Variants in THSD4 observed in about 807,000 individuals in gnomAD.
THSD4 encodes the protein thrombospondin type-1 domain-containing protein 4.
A neutral mutation model predicts 119.0 loss-of-function variants in THSD4; 69 were observed. The observed-to-expected ratio is 0.58, with a 90% CI of 0.48 to 0.71. The LOEUF is 0.71. Among genes scored for constraint, THSD4 ranks in the 30% least tolerant of loss-of-function variants. The pLI is 0.00. For synonymous variants in THSD4, 524 were observed against 540.4 expected (o/e 0.97, Z 0.42); for missense variants, 1,393 against 1,391.1 (o/e 1.00, Z -0.02).
chr15:71,215,071 G>A lies in THSD4; in HGVS notation c.136G>A (p.Asp46Asn). The part of the protein sequence containing the change: ...QRMAAEGAPE[D>N]DGGGGAPGVW... ...GATGGCGGCGGAGGGCGCCCCCGAG[G>A]ACGACGGCGGCGGCGGCGCCCCGGG... is the stretch of plus-strand genomic sequence containing the variant. The change falls in exon 4 of 18, where the codon GAC (aspartate) becomes AAC (asparagine). Residue 46 changes from aspartate to asparagine, a missense_variant. By Grantham distance (23) the Asp-to-Asn change is conservative. Transcript: ENST00000261862. 1 of 1,300,732 alleles carries A rather than the reference G, an allele frequency of 7.7e-7. No homozygotes were observed. The highest frequency in any genetic ancestry group is 9.8e-7 in the Non-Finnish European group (1 of 1,022,452). 80.6% of individuals were successfully genotyped at this position (1,300,732 alleles called of 1,614,324 possible). A position where few individuals can be genotyped will look rare whatever the true frequency, so the allele number is the denominator to read the frequency against.
chr15:71,246,108 A>G (rs1289453099), intron 5 of THSD4, among the ~76,000 whole-genome samples: 1 of 152,132 alleles, frequency 6.6e-6, no homozygotes, highest in Non-Finnish European at 1.5e-5. Flanking sequence ...GGAGGAACTG[A>G]GTTTCCTTGG....
chr15:71,163,462 C>T (rs150761552), intron 3 of THSD4, among the ~76,000 whole-genome samples: 3,416 of 152,062 alleles, frequency 0.022, 66 homozygotes, highest in South Asian at 0.055. Context: ...ACGATAATCT[C>T]GAAAACCACA....
chr15:71,766,499 C>G (rs1255870178), intron 16 of THSD4, among the ~76,000 whole-genome samples: 2 of 152,116 alleles, frequency 1.3e-5, no homozygotes. Flanking sequence ...ATTCCATTTC[C>G]AAAAAGTGTC....
At chr15:71,617,372 C>T (rs971295875) in intron 7 of THSD4, among the ~76,000 whole-genome samples, 8 of 152,062 alleles carry the variant, frequency 5.3e-5, no homozygotes, top group African/African-American at 1.9e-4. Flanking sequence ...GATTTAACTT[C>T]TGTTTTTGTC....
chr15:71,191,015 C>A (rs1386048655), intron 3 of THSD4, among the ~76,000 whole-genome samples: 1 of 152,204 alleles, frequency 6.6e-6, no homozygotes, highest in Non-Finnish European at 1.5e-5. Context: ...AGCAATTCTT[C>A]TCTTTGTTCT....
intron 7 of THSD4, among the ~76,000 whole-genome samples, chr15:71,656,746 G>A (rs1298410831): frequency 1.3e-5 from 2 of 152,134 alleles, no homozygotes; most frequent in African/African-American, 4.8e-5. Flanking sequence ...TCTATTATTA[G>A]CATTTTAGCC....
Position 71,406,111 on chromosome 15 carries a change from G to GT in THSD4, c.1016-5566dup, listed in dbSNP as rs111863619. Among the ~76,000 whole-genome samples the GT allele has an allele frequency of 8.7e-4, 127 of 146,310 alleles. No homozygotes were observed. In the South Asian group the frequency reaches 0.011, roughly 12 times the overall value. ...TCAAAGTATTTTCTAATTTTCCTGT[G>GT]TTTTTTTTTTCTTGATTATTTAGGA... On this transcript the variant is annotated intron_variant, in intron 6 of 17. Transcript: ENST00000261862.
intron 1 of THSD4, among the ~76,000 whole-genome samples, chr15:71,108,910 TGAATGTGAGAGGCGGAGGTTGCAGTGA>T (rs2040285383): frequency 6.6e-6 from 1 of 152,144 alleles, no homozygotes; most frequent in Non-Finnish European, 1.5e-5. Context: ...GAGAATTTCT[TGAATGTGAGAGGCGGAGGTTGCAGTGA>T]GCCAAGATCG....
chr15:71,214,942 T>G, intron 3 of THSD4, 93 bp from the exon 4 acceptor site: 1 of 1,208,630 alleles, frequency 8.3e-7, no homozygotes, highest in Non-Finnish European at 1.0e-6. Context: ...CTGTGCCTAC[T>G]TGTGCCTGAT....
chr15:71,665,198 A>T (rs2051392766), intron 8 of THSD4, among the ~76,000 whole-genome samples: 1 of 152,134 alleles, frequency 6.6e-6, no homozygotes, highest in South Asian at 2.1e-4. Flanking sequence ...TGACTGGTGT[A>T]AGATGGTATC....
intron 7 of THSD4, among the ~76,000 whole-genome samples, chr15:71,497,869 A>C (rs2048050650): frequency 6.6e-6 from 1 of 152,228 alleles, no homozygotes; most frequent in South Asian, 2.1e-4. Flanking sequence ...AATGGGCTTG[A>C]TGCCCTGAAT....
intron 14 of THSD4, among the ~76,000 whole-genome samples, chr15:71,750,089 T>C (rs1233100299): frequency 6.6e-6 from 1 of 151,994 alleles, no homozygotes; most frequent in Admixed American, 6.6e-5. Context: ...AGGACCACAC[T>C]CTGAATAACA....
At chr15:71,609,749 G>A (rs1354385026) in intron 7 of THSD4, among the ~76,000 whole-genome samples, 1 of 151,834 alleles carries the variant, frequency 6.6e-6, no homozygotes, top group Non-Finnish European at 1.5e-5. Context: ...CTACTCGGGA[G>A]GCTGAGGCAG....
chr15:71,350,440 C>A (rs1365884503), intron 6 of THSD4, among the ~76,000 whole-genome samples: 1 of 152,022 alleles, frequency 6.6e-6, no homozygotes. Flanking sequence ...GAATCAGGAC[C>A]CCTGAGTTCT....
At chr15:71,537,002 T>C (rs1244496824) in intron 7 of THSD4, among the ~76,000 whole-genome samples, 1 of 152,210 alleles carries the variant, frequency 6.6e-6, no homozygotes, top group Non-Finnish European at 1.5e-5. Flanking sequence ...AGTTCACTTT[T>C]TGGATATACC....
At chr15:71,265,352 T>C (rs1567175035) in intron 6 of THSD4, among the ~76,000 whole-genome samples, 1 of 151,746 alleles carries the variant, frequency 6.6e-6, no homozygotes, top group Admixed American at 6.6e-5. Context: ...GCACAAGGGG[T>C]TGGGGAACTC....
chr15:71,484,386 C>G (rs924019861), intron 7 of THSD4, among the ~76,000 whole-genome samples: 1 of 152,120 alleles, frequency 6.6e-6, no homozygotes, highest in Non-Finnish European at 1.5e-5. Context: ...ATTGTTTTTT[C>G]GATTAGATAG....
At chr15:71,645,606 C>G (rs1236305593) in intron 7 of THSD4, among the ~76,000 whole-genome samples, 1 of 152,132 alleles carries the variant, frequency 6.6e-6, no homozygotes, top group East Asian at 1.9e-4. Flanking sequence ...ATTCTGGAGG[C>G]CTGAGGCAGA....
At chr15:71,627,082 C>CTTTT (rs36125208) in intron 7 of THSD4, among the ~76,000 whole-genome samples, 1 of 151,192 alleles carries the variant, frequency 6.6e-6, no homozygotes, top group South Asian at 2.1e-4. Flanking sequence ...TTTTGACACT[C>CTTTT]TTTTTTTTTA....
Sources: gnomAD v4.1 joint callset for allele counts (sites outside exome capture counted in the v4.1 genomes callset) on GRCh38, gnomAD v4.1.1 for gene constraint, MANE v1.5 for transcripts, NCBI Gene and HGNC (gene_info 2026-07-23, HGNC 2026-07-21) for gene names.